ST6GALNAC5: variants seen among roughly 807,000 people sequenced by gnomAD.
ST6GALNAC5 encodes ST6 N-acetylgalactosaminide alpha-2,6-sialyltransferase 5.
In ST6GALNAC5, 27 loss-of-function variants were observed where a neutral mutation model predicts 33.6. The observed-to-expected ratio is 0.80, with a 90% confidence interval of 0.59 to 1.11. ST6GALNAC5 has a LOEUF of 1.11. Among genes scored for constraint, ST6GALNAC5 ranks in the 50% least tolerant of loss-of-function variants. The pLI, the probability that ST6GALNAC5 is intolerant of heterozygous loss-of-function variation, is 0.00. For synonymous variants in ST6GALNAC5, 194 were observed against 171.2 expected (o/e 1.13, Z -1.04); for missense variants, 428 against 454.0 (o/e 0.94, Z 0.52).
intron 2 of ST6GALNAC5, among the ~76,000 whole-genome samples, chr1:76,942,263 A>T (rs1490118696): frequency 6.6e-6 from 1 of 152,124 alleles, no homozygotes; most frequent in Non-Finnish European, 1.5e-5. Flanking sequence ...TTTGGCATGC[A>T]GTATTCCTGA....
In ST6GALNAC5 at chr1:76,868,722, C is replaced by T; in HGVS notation, c.241C>T (p.Leu81Phe). 6.6e-7 allele frequency: 1 copy of T among 1,514,508 alleles called. No individual in the cohort carries two copies. The highest frequency in any genetic ancestry group is 8.8e-7 in the Non-Finnish European group (1 of 1,133,902). The allele number at this position is 1,514,508 out of a possible 1,614,324, so 93.8% of individuals were successfully genotyped here. The change falls in exon 2 of 5, where the codon CTC becomes TTC. Residue 81 changes from leucine to phenylalanine, a missense_variant. Physicochemically the swap from Leu to Phe is conservative, Grantham distance 22 (BLOSUM62 0). Transcript: ENST00000477717. The surrounding 1 kb of genome is among the most constrained non-coding windows in gnomAD (Gnocchi z 4.3). ...PAGPRPLDGY[L>F]GVADHKPLKM... is the part of the protein sequence containing the mutation. ...GGGACCGCGGCCACTGGACGGATAC[C>T]TCGGAGTGGCGGACCACAAGGTGAC... is the stretch of plus-strand genomic sequence containing the variant.
intron 2 of ST6GALNAC5, among the ~76,000 whole-genome samples, chr1:76,905,755 T>C (rs994915734): frequency 2.0e-5 from 3 of 152,174 alleles, no homozygotes; most frequent in African/African-American, 7.2e-5. Context: ...AGTCAGTCTT[T>C]TGCAAATAGG....
In ST6GALNAC5 at chr1:76,867,640, C is replaced by G; in HGVS notation, c.-36C>G. 1 of 1,614,040 alleles carries G rather than the reference C, an allele frequency of 6.2e-7. No homozygotes were observed. On this transcript the variant is annotated 5_prime_UTR_variant, in exon 1 of 5. Transcript: ENST00000477717. ...CCAGGAAAAAGTGGCCCCGGACGCGCGAGCCTGAGGATTCTGCACAAAAGA... is the reference window on the plus strand; with the variant it reads ...CCAGGAAAAAGTGGCCCCGGACGCGGGAGCCTGAGGATTCTGCACAAAAGA...
chr1:76,868,406 G>A lies in ST6GALNAC5; in HGVS notation c.16-91G>A, dbSNP rs910852586. On this transcript the variant is annotated intron_variant, in intron 1 of 4. Coordinates refer to ENST00000477717, the MANE Select transcript of ST6GALNAC5 (RefSeq NM_030965.3). The surrounding 1 kb of genome is among the most constrained non-coding windows in gnomAD (Gnocchi z 4.3). ...AGGCCGCCCCAAATCTCCCCCACTA[G>A]AGTGACCACCGCACAGTTGTCCCCG... The A allele has an allele frequency of 1.4e-5, 21 of 1,497,232 alleles. No homozygotes were observed. The highest frequency in any genetic ancestry group is 4.4e-5 in the Admixed American group (2 of 45,902). The allele number at this position is 1,497,232 out of a possible 1,614,324, so 92.7% of individuals were successfully genotyped here.
chr1:76,975,473 T>C (rs1270214927), intron 2 of ST6GALNAC5, among the ~76,000 whole-genome samples: 1 of 152,212 alleles, frequency 6.6e-6, no homozygotes, highest in Non-Finnish European at 1.5e-5. Context: ...TAGTGAAGCA[T>C]TATACGTTCA....
intron 2 of ST6GALNAC5, among the ~76,000 whole-genome samples, chr1:77,028,725 C>T (rs1651340241): frequency 6.6e-6 from 1 of 152,166 alleles, no homozygotes; most frequent in African/African-American, 2.4e-5. Context: ...TTATTGAACC[C>T]TCACAGCTTT....
At chr1:76,923,186 G>A (rs1431476089) in intron 2 of ST6GALNAC5, among the ~76,000 whole-genome samples, 14 of 151,730 alleles carry the variant, frequency 9.2e-5, no homozygotes, top group Non-Finnish European at 7.4e-5. Context: ...CTGGTAAAAG[G>A]CATATAAGAT....
intron 2 of ST6GALNAC5, among the ~76,000 whole-genome samples, chr1:77,034,346 A>G (rs573926695): frequency 6.6e-6 from 1 of 152,004 alleles, no homozygotes; most frequent in South Asian, 2.1e-4. Context: ...CTCTTCTTAT[A>G]ACTTCACCGG....
At chr1:77,017,930 C>A (rs948819214) in intron 2 of ST6GALNAC5, among the ~76,000 whole-genome samples, 3 of 152,154 alleles carry the variant, frequency 2.0e-5, no homozygotes, top group African/African-American at 7.2e-5. Context: ...GCTTCATTAG[C>A]CCTGCCTCAG....
intron 2 of ST6GALNAC5, among the ~76,000 whole-genome samples, chr1:76,987,603 G>A (rs1017084156): frequency 2.0e-5 from 3 of 152,044 alleles, no homozygotes; most frequent in Non-Finnish European, 2.9e-5. Context: ...CTACCCAAGA[G>A]AAATGAAAAC....
chr1:76,960,867 A>G (rs756130581), intron 2 of ST6GALNAC5, among the ~76,000 whole-genome samples: 2 of 152,168 alleles, frequency 1.3e-5, no homozygotes, highest in Non-Finnish European at 2.9e-5. Flanking sequence ...CCCAGATTTC[A>G]TATTGTTCAA....
chr1:77,048,766 C>T lies in ST6GALNAC5; in HGVS notation c.672-1492C>T, dbSNP rs536966321. On this transcript the variant is annotated intron_variant, in intron 3 of 4. Transcript: ENST00000477717. ...CTAAAAGAGGAGGAAGAGATGTCAACGTACCAACATACCAAACTTGGTGCT... is the reference window on the plus strand; with the variant it reads ...CTAAAAGAGGAGGAAGAGATGTCAATGTACCAACATACCAAACTTGGTGCT... Among the ~76,000 whole-genome samples the T allele has an allele frequency of 1.4e-4, 22 of 152,322 alleles. No individual in the cohort carries two copies. In the East Asian group the frequency reaches 3.5e-3, roughly 24 times the overall value.
At chr1:77,009,937 G>A (rs1184885003) in intron 2 of ST6GALNAC5, among the ~76,000 whole-genome samples, 1 of 152,110 alleles carries the variant, frequency 6.6e-6, no homozygotes, top group Non-Finnish European at 1.5e-5. Flanking sequence ...AAAATTGAAT[G>A]AAGTTGTCAG....
chr1:76,868,952 T>A lies in ST6GALNAC5; in HGVS notation c.261+210T>A. ...CACAAAGTTTTGTAGAAAATAGGGGTGAGGTGCGTGGACCCCAAAGCCTAA... is the reference window on the plus strand; with the variant it reads ...CACAAAGTTTTGTAGAAAATAGGGGAGAGGTGCGTGGACCCCAAAGCCTAA... On this transcript the variant is annotated intron_variant, in intron 2 of 4. Coordinates refer to ENST00000477717, the MANE Select transcript of ST6GALNAC5 (RefSeq NM_030965.3). The surrounding 1 kb of genome is among the most constrained non-coding windows in gnomAD (Gnocchi z 4.3). 1.3e-6 allele frequency: 1 copy of A among 781,920 alleles called. No individual in the cohort carries two copies. Among genetic ancestry groups the A allele is most frequent in the Non-Finnish European group, 1.9e-6 (1 of 537,204 alleles). 48.4% of individuals were successfully genotyped at this position (781,920 alleles called of 1,614,324 possible).
At chr1:76,965,215 A>ACCC (rs76848968) in intron 2 of ST6GALNAC5, among the ~76,000 whole-genome samples, 137 of 150,816 alleles carry the variant, frequency 9.1e-4, no homozygotes, top group Non-Finnish European at 1.5e-3. Context: ...TTAGTTTACC[A>ACCC]CCCCCCCCAC....
intron 2 of ST6GALNAC5, among the ~76,000 whole-genome samples, chr1:77,031,550 A>G (rs1651457709): frequency 6.6e-6 from 1 of 152,204 alleles, no homozygotes; most frequent in African/African-American, 2.4e-5. Flanking sequence ...AACAAATAGA[A>G]GTCAGGTTAA....
At chr1:76,974,207 C>CTTT (rs766393000) in intron 2 of ST6GALNAC5, among the ~76,000 whole-genome samples, 11 of 120,286 alleles carry the variant, frequency 9.1e-5, no homozygotes, top group African/African-American at 1.6e-4. Context: ...TTGCTTTTCA[C>CTTT]TTTTTTTTTT....
intron 2 of ST6GALNAC5, among the ~76,000 whole-genome samples, chr1:76,936,953 G>GGCATGTGTGTGTGTGTGTGT (rs138095164): frequency 7.1e-6 from 1 of 139,946 alleles, no homozygotes; most frequent in Admixed American, 7.2e-5. Context: ...AGAGAAGCAG[G>GGCATGTGTGTGTGTGTGTGT]GTGTGTGTGT....
rs2100487195 is a variant in ST6GALNAC5, at chr1:77,064,399, AAC to A, written c.*1197_*1198del. 1 of 133,122 alleles carries A rather than the reference AAC, an allele frequency of 7.5e-6. No individual in the cohort carries two copies. Among genetic ancestry groups the A allele is most frequent in the South Asian group, 2.4e-4 (1 of 4,108 alleles). 8.2% of individuals were successfully genotyped at this position (133,122 alleles called of 1,614,324 possible). A position where few individuals can be genotyped will look rare whatever the true frequency, so the allele number is the denominator to read the frequency against. ...CCATCCGCCTCTTCCCCAGCCTCTC[AAC>A]ACAAAAACACAGGATACACACACAC... On this transcript the variant is annotated 3_prime_UTR_variant, in exon 5 of 5. Coordinates refer to ENST00000477717, the MANE Select transcript of ST6GALNAC5 (RefSeq NM_030965.3).
Sources: gnomAD v4.1 joint callset for allele counts (sites outside exome capture counted in the v4.1 genomes callset) on GRCh38, gnomAD v4.1.1 for gene constraint, Gnocchi (gnomAD v3.1) non-coding constraint, MANE v1.5 for transcripts, NCBI Gene and HGNC (gene_info 2026-07-23, HGNC 2026-07-21) for gene names.